HARS1: variants seen among roughly 807,000 people sequenced by gnomAD.
The protein encoded by HARS1 is histidyl-tRNA synthetase 1.
A neutral mutation model predicts 63.6 loss-of-function variants in HARS1; 45 were observed. That is an observed-to-expected ratio of 0.71 (90% CI 0.56 to 0.91). HARS1 has a LOEUF of 0.91. HARS1 is among the 40% of genes least tolerant of loss of function. The probability of loss-of-function intolerance (pLI) is 0.00; values close to 1 mark genes in which losing one functional copy is unlikely to be tolerated. For synonymous variants in HARS1, 205 were observed against 247.1 expected (o/e 0.83, Z 1.60); for missense variants, 508 against 643.2 (o/e 0.79, Z 2.27).
chr5:140,684,920 T>C (rs1758930606), intron 2 of HARS1: 1 of 152,202 alleles, frequency 6.6e-6, no homozygotes, highest in African/African-American at 2.4e-5. Flanking sequence ...TCTTTGCAAA[T>C]CTTTAATGTC....
chr5:140,685,246 T>A (rs1758957065), intron 2 of HARS1: 1 of 150,546 alleles, frequency 6.6e-6, no homozygotes, highest in Non-Finnish European at 1.5e-5. Context: ...GTCAAATCCA[T>A]AGAGACAGAA....
In HARS1 at chr5:140,675,013, A is replaced by G. The variant is rs958234389; in HGVS notation, c.1311+4T>C. On this transcript the variant is annotated splice_donor_region_variant and intron_variant, in intron 11 of 12. Transcript: ENST00000504156. ...GCTGCCACCCTGGGGCTTGCCTCCC[A>G]TACCTTGATCCCAGCATCCCACAGT... 24 of 1,598,492 alleles carry G rather than the reference A, an allele frequency of 1.5e-5. No individual in the cohort carries two copies. Among genetic ancestry groups the G allele is most frequent in the Admixed American group, 5.0e-5 (3 of 59,960 alleles).
Position 140,674,793 on chromosome 5 carries a change from T to C in HARS1, c.1344A>G (p.Leu448=), listed in dbSNP as rs1758261367. ...AELLYKKNPK[L]LNQLQYCEEA... ...CCTCACAGTACTGTAACTGGTTCAGTAGCTTTGGGTTCTTCTTGTACAGCA... is the reference window on the plus strand; with the variant it reads ...CCTCACAGTACTGTAACTGGTTCAGCAGCTTTGGGTTCTTCTTGTACAGCA... The change falls in exon 12 of 13, where the codon CTA becomes CTG. Residue 448 remains leucine (L), a synonymous_variant. Coordinates refer to ENST00000504156, the MANE Select transcript of HARS1 (RefSeq NM_002109.6). The C allele has an allele frequency of 1.2e-6, 2 of 1,614,200 alleles. No individual in the cohort carries two copies. The highest frequency in any genetic ancestry group is 1.7e-6 in the Non-Finnish European group (2 of 1,180,036).
Position 140,688,338 on chromosome 5 carries a change from G to A in HARS1, c.180+2517C>T, listed in dbSNP as rs139362540. On this transcript the variant is annotated intron_variant, in intron 2 of 12. Coordinates refer to ENST00000504156, the MANE Select transcript of HARS1 (RefSeq NM_002109.6). ...CAGGTCACCATTTATCCATTACCCAGCTTCAACAACCATTAACATCTGCTA... is the reference window on the plus strand; with the variant it reads ...CAGGTCACCATTTATCCATTACCCAACTTCAACAACCATTAACATCTGCTA... Among the ~76,000 whole-genome samples, 382 of 152,224 alleles carry A rather than the reference G, an allele frequency of 2.5e-3. 2 individuals are homozygous for A. The highest frequency in any genetic ancestry group is 8.9e-3 in the African/African-American group (368 of 41,538).
At chr5:140,678,588 T>C in intron 5 of HARS1, 1 of 168,074 alleles carries the variant, frequency 5.9e-6, no homozygotes, top group Non-Finnish European at 1.3e-5. Flanking sequence ...CTCACGCCTG[T>C]AATCCCAGCA....
chr5:140,689,119 A>T (rs370023859), intron 2 of HARS1, among the ~76,000 whole-genome samples: 5 of 152,214 alleles, frequency 3.3e-5, no homozygotes, highest in Admixed American at 2.0e-4. Flanking sequence ...AAAATTAGTT[A>T]TATGTAGAAA....
intron 7 of HARS1, 87 bp from the exon 8 acceptor site, chr5:140,677,507 A>G (rs759327015): frequency 2.4e-5 from 28 of 1,165,848 alleles, no homozygotes; most frequent in Non-Finnish European, 3.4e-5. Context: ...ACCGTTTTAG[A>G]GCAGTAGCTG....
chr5:140,676,817 G>T lies in HARS1; in HGVS notation c.1031C>A (p.Pro344Gln), dbSNP rs146571500. The stretch of plus-strand genomic sequence containing the variant: ...CAGGGGCTCTTCCCCTGCCTGGGCT[G>T]GGGTCTGTAGCAGCACTGCCTCATA... ...VIYEAVLLQT[P>Q]AQAGEEPLGV... Residue 344 changes from proline (P) to glutamine (Q), a missense_variant, in exon 10 of 13, where the codon CCA becomes CAA. Pro to Gln is a moderately conservative substitution (Grantham distance 76, BLOSUM62 -1). Transcript: ENST00000504156. This position sits in a 1 kb window ranked among gnomAD's most constrained non-coding sequence, Gnocchi z 4.1. 16 of 1,614,140 alleles carry T rather than the reference G, an allele frequency of 9.9e-6. No individual in the cohort carries two copies. The highest frequency in any genetic ancestry group is 1.3e-5 in the Non-Finnish European group (15 of 1,180,056).
rs150874684 is a variant in HARS1, at chr5:140,688,291, C to T, written c.180+2564G>A. Among the ~76,000 whole-genome samples, 312 of 152,278 alleles carry T rather than the reference C, an allele frequency of 2.0e-3. 2 individuals carry two copies. The highest frequency in any genetic ancestry group is 7.2e-3 in the African/African-American group (298 of 41,546). ...ACTATAGTATGGAAATTTTCAAAGA[C>T]ACAATATAGAGAATAGTATTACAGG... On this transcript the variant is annotated intron_variant, in intron 2 of 12. Transcript: ENST00000504156.
intron 2 of HARS1, chr5:140,684,099 C>CGAA (rs1308056677): frequency 6.6e-6 from 1 of 151,772 alleles, no homozygotes; most frequent in Non-Finnish European, 1.5e-5. Flanking sequence ...ACCATCCTGG[C>CGAA]GAACACTGTG....
chr5:140,685,719 CAAAAAA>C (rs60936249), intron 2 of HARS1, among the ~76,000 whole-genome samples: 2 of 116,292 alleles, frequency 1.7e-5, no homozygotes, highest in Non-Finnish European at 3.6e-5. Context: ...GACTCTGTCT[CAAAAAA>C]AAAAAAAAAT....
intron 2 of HARS1, among the ~76,000 whole-genome samples, chr5:140,689,166 AC>A (rs1759220003): frequency 6.6e-6 from 1 of 152,206 alleles, no homozygotes; most frequent in African/African-American, 2.4e-5. Flanking sequence ...CAAAGAATTA[AC>A]CTTAACACAA....
At chr5:140,683,258 T>C (rs769142506) in intron 2 of HARS1, 39 bp from the exon 3 acceptor site, 1 of 1,603,336 alleles carries the variant, frequency 6.2e-7, no homozygotes, top group Non-Finnish European at 8.5e-7. Context: ...GAAATGAGGT[T>C]TGAAAACCAA....
intron 2 of HARS1, among the ~76,000 whole-genome samples, chr5:140,689,852 G>T (rs1052644719): frequency 6.6e-6 from 1 of 152,192 alleles, no homozygotes; most frequent in Non-Finnish European, 1.5e-5. Context: ...AAGTGGAACT[G>T]AACTGGAGGA....
chr5:140,679,793 G>C lies in HARS1; in HGVS notation c.391C>G (p.Leu131Val). Residue 131 changes from leucine (L) to valine (V), a missense_variant, in exon 4 of 13, where the codon CTC becomes GTC. Coordinates refer to ENST00000504156, the MANE Select transcript of HARS1 (RefSeq NM_002109.6). This position sits in a 1 kb window ranked among gnomAD's most constrained non-coding sequence, Gnocchi z 4.3. The stretch of plus-strand genomic sequence containing the variant: ...GCCCAAGTTTAGAAAGATACAGTGA[G>C]GTCATAGCGAAGGGACAGGAGCTCC... ...GGELLSLRYD[L>V]TVPFARYLAM... is the part of the protein sequence containing the mutation. The C allele has an allele frequency of 6.4e-7, 1 of 1,567,714 alleles. No individual in the cohort carries two copies.
At position 140,677,523 on chromosome 5, in the gene HARS1, G is replaced by A; in HGVS notation, c.730-103C>T. On this transcript the variant is annotated intron_variant, in intron 7 of 12. Coordinates refer to ENST00000504156, the MANE Select transcript of HARS1 (RefSeq NM_002109.6). ...CCGTTTTAGAGCAGTAGCTGCCCAT[G>A]AGCCTACATCCTGGGGCTAACCTTC... The A allele has an allele frequency of 4.6e-6, 5 of 1,078,982 alleles. No homozygotes were observed. The South Asian group carries it at 5.0e-5, about 11-fold the overall frequency. 66.8% of individuals were successfully genotyped at this position (1,078,982 alleles called of 1,614,324 possible). A position where few individuals can be genotyped will look rare whatever the true frequency, so the allele number is the denominator to read the frequency against.
chr5:140,678,285 G>A (rs1022731756), intron 5 of HARS1: 4 of 486,136 alleles, frequency 8.2e-6, no homozygotes, highest in Non-Finnish European at 1.1e-5. Flanking sequence ...TGGCTTTAGT[G>A]CTTAGCCATT....
chr5:140,684,655 C>G (rs905491033), intron 2 of HARS1: 1 of 152,640 alleles, frequency 6.6e-6, no homozygotes, highest in Non-Finnish European at 1.5e-5. Context: ...GGCTTTTATA[C>G]CCTACTCCAA....
intron 8 of HARS1, 103 bp from the exon 9 acceptor site, chr5:140,677,219 A>G (rs369270169): frequency 1.4e-6 from 2 of 1,395,502 alleles, no homozygotes; most frequent in Non-Finnish European, 1.0e-6. Flanking sequence ...GTGTGTGTAC[A>G]TATGCATAGA....
Sources: allele counts gnomAD v4.1 joint callset (sites outside exome capture counted in the v4.1 genomes callset), GRCh38; gene constraint gnomAD v4.1.1; non-coding constraint Gnocchi (gnomAD v3.1); transcripts MANE v1.5; gene names NCBI Gene and HGNC (gene_info 2026-07-23, HGNC 2026-07-21).